The following SYNE3 variants were observed in gnomAD, a reference collection of about 807,000 sequenced individuals.
The protein encoded by SYNE3 is nesprin-3.
SYNE3 carries 100 observed loss-of-function variants against 111.2 expected under a neutral mutation model. The observed-to-expected ratio is 0.90, with a 90% CI of 0.77 to 1.06. The LOEUF is 1.06. SYNE3 is among the 50% of genes least tolerant of loss of function. The pLI, the probability that SYNE3 is intolerant of heterozygous loss-of-function variation, is 0.00. For missense variants in SYNE3, 1,160 were observed against 1,240.3 expected, an observed-to-expected ratio of 0.94 and a Z score of 0.97; for synonymous variants, 547 against 533.9, an observed-to-expected ratio of 1.02 and a Z score of -0.34.
chr14:95,437,239 A>G (rs1886139272), intron 14 of SYNE3, among the ~76,000 whole-genome samples: 1 of 152,204 alleles, frequency 6.6e-6, no homozygotes, highest in Non-Finnish European at 1.5e-5. Context: ...GGATGGCTAT[A>G]CAAATAGTCA....
intron 1 of SYNE3, among the ~76,000 whole-genome samples, chr14:95,504,142 A>C (rs1485242190): frequency 1.3e-5 from 2 of 152,228 alleles, no homozygotes; most frequent in East Asian, 1.9e-4. Context: ...AATTATGTGA[A>C]ATTCACATTC....
At chr14:95,501,506 C>G (rs1030006260) in intron 1 of SYNE3, among the ~76,000 whole-genome samples, 3 of 152,222 alleles carry the variant, frequency 2.0e-5, no homozygotes, top group Admixed American at 2.0e-4. Context: ...AAACACTAAG[C>G]TGGAGACCTG....
intron 11 of SYNE3, among the ~76,000 whole-genome samples, chr14:95,440,818 G>A (rs1012457677): frequency 6.6e-6 from 1 of 152,210 alleles, no homozygotes; most frequent in South Asian, 2.1e-4. Flanking sequence ...AGAGGCTTTG[G>A]GAGGCTGGTA....
At chr14:95,504,940 G>A (rs939674869) in intron 1 of SYNE3, among the ~76,000 whole-genome samples, 6 of 152,278 alleles carry the variant, frequency 3.9e-5, no homozygotes, top group African/African-American at 4.8e-5. Flanking sequence ...GGACACAAGT[G>A]GAAAAAGCTG....
At position 95,452,371 on chromosome 14, in the gene SYNE3, C is replaced by A; in HGVS notation, c.1150G>T (p.Ala384Ser). The A allele has an allele frequency of 6.2e-7, 1 of 1,610,380 alleles. No homozygotes were observed. Residue 384 changes from alanine (A) to serine (S), a missense_variant, in exon 7 of 18, where the codon GCG (alanine) becomes TCG (serine). Physicochemically the swap from Ala to Ser is moderately conservative, Grantham distance 99. Coordinates refer to ENST00000682763, the MANE Select transcript of SYNE3 (RefSeq NM_152592.6). ...ACCCGGGGCTCCTCCGAGGCCAGCG[C>A]CGCCCGTGTTGCCTGCAGCACATGA... Reference protein sequence around the residue: ...HWRRYSATRAALASEEPRVDR... With the variant: ...HWRRYSATRASLASEEPRVDR...
intron 14 of SYNE3, chr14:95,437,837 C>T (rs1886182784): frequency 6.6e-6 from 1 of 151,830 alleles, no homozygotes; most frequent in South Asian, 2.1e-4. Flanking sequence ...ATAGTCATGG[C>T]ACAAAAATAG....
chr14:95,436,673 C>A, intron 15 of SYNE3, 147 bp downstream of exon 15: 4 of 941,490 alleles, frequency 4.2e-6, no homozygotes, highest in African/African-American at 1.7e-5. Flanking sequence ...ATCTTTGAAC[C>A]AAAAAAGTTT....
In SYNE3 at chr14:95,450,087, C is replaced by T. The variant is rs949738503; in HGVS notation, c.1293G>A (p.Ala431=). Residue 431 remains alanine, a synonymous_variant, in exon 8 of 18, where the codon GCG becomes GCA. Coordinates refer to ENST00000682763, the MANE Select transcript of SYNE3 (RefSeq NM_152592.6). The part of the protein sequence containing the change: ...QEYQSLKVKS[A]RLRNAAAVEL... The stretch of plus-strand genomic sequence containing the variant: ...CCACCGCCGCGGCATTGCGCAGCCT[C>T]GCGCTCTTCACCTTCAGGCTGCAAG... 3.2e-6 allele frequency: 5 copies of T among 1,575,360 alleles called. No homozygotes were observed. The Admixed American group carries it at 5.4e-5, about 17-fold the overall frequency.
At chr14:95,423,154 AT>A (rs1243947228) in intron 17 of SYNE3, among the ~76,000 whole-genome samples, 3 of 151,954 alleles carry the variant, frequency 2.0e-5, no homozygotes, top group Non-Finnish European at 4.4e-5. Context: ...ACAGAGATGT[AT>A]TTTTTCAGTT....
At chr14:95,516,334 G>A (rs907763888) in intron 1 of SYNE3, 2 of 152,404 alleles carry the variant, frequency 1.3e-5, no homozygotes, top group East Asian at 3.9e-4. Context: ...AAGCTCCCCG[G>A]GGTTGAAAGG....
intron 1 of SYNE3, among the ~76,000 whole-genome samples, chr14:95,509,859 C>T (rs1169214626): frequency 2.0e-5 from 3 of 152,220 alleles, no homozygotes; most frequent in South Asian, 4.1e-4. Flanking sequence ...AGTTGCGTTA[C>T]ACCATGAATA....
At chr14:95,499,954 T>C (rs1334870869) in intron 1 of SYNE3, among the ~76,000 whole-genome samples, 1 of 140,430 alleles carries the variant, frequency 7.1e-6, no homozygotes, top group Non-Finnish European at 1.5e-5. Context: ...CCGCCTCCCA[T>C]GTTCAAGCAA....
At chr14:95,513,195 G>T (rs776974991) in intron 1 of SYNE3, among the ~76,000 whole-genome samples, 1 of 152,138 alleles carries the variant, frequency 6.6e-6, no homozygotes, top group Non-Finnish European at 1.5e-5. Flanking sequence ...AGCACGCGTG[G>T]TAATGCTTGG....
intron 5 of SYNE3, among the ~76,000 whole-genome samples, chr14:95,456,614 C>T (rs922634737): frequency 5.9e-5 from 9 of 152,218 alleles, no homozygotes; most frequent in Non-Finnish European, 4.4e-5. Context: ...GGAGACCCAC[C>T]AGCCTAGACC....
intron 4 of SYNE3, among the ~76,000 whole-genome samples, chr14:95,465,444 A>G (rs1888102207): frequency 6.6e-6 from 1 of 152,028 alleles, no homozygotes. Flanking sequence ...TAGTGGGTAG[A>G]TAGGTGGTGA....
intron 1 of SYNE3, among the ~76,000 whole-genome samples, chr14:95,477,398 T>A (rs1262180698): frequency 6.6e-6 from 1 of 152,190 alleles, no homozygotes; most frequent in East Asian, 1.9e-4. Flanking sequence ...ATTGGAAGTT[T>A]GTTTTTTTTT....
At chr14:95,512,641 A>G (rs1890762993) in intron 1 of SYNE3, among the ~76,000 whole-genome samples, 1 of 151,994 alleles carries the variant, frequency 6.6e-6, no homozygotes, top group Non-Finnish European at 1.5e-5. Flanking sequence ...TCACGAGGTC[A>G]GGAGATCAAG....
At chr14:95,508,655 G>A (rs1242593016) in intron 1 of SYNE3, among the ~76,000 whole-genome samples, 3 of 152,200 alleles carry the variant, frequency 2.0e-5, no homozygotes, top group Non-Finnish European at 4.4e-5. Flanking sequence ...TTAGGAAAAG[G>A]AAAGAACAAG....
At chr14:95,478,173 T>G (rs1318264377) in intron 1 of SYNE3, among the ~76,000 whole-genome samples, 1 of 152,132 alleles carries the variant, frequency 6.6e-6, no homozygotes, top group Non-Finnish European at 1.5e-5. Flanking sequence ...GCAGGCAGAG[T>G]TCAGGAGACC....
Sources: allele counts gnomAD v4.1 joint callset (sites outside exome capture counted in the v4.1 genomes callset), GRCh38; gene constraint gnomAD v4.1.1; transcripts MANE v1.5; gene names NCBI Gene and HGNC (gene_info 2026-07-23, HGNC 2026-07-21).